The following FAT2 variants were observed in gnomAD, a reference collection of about 807,000 sequenced individuals.
The protein encoded by FAT2 is FAT atypical cadherin 2.
FAT2 carries 150 observed loss-of-function variants against 295.3 expected under a neutral mutation model. The ratio of observed to expected loss-of-function variants is 0.51; its 90% confidence interval spans 0.44 to 0.58. FAT2 has a LOEUF of 0.58. Among genes scored for constraint, FAT2 ranks in the 20% least tolerant of loss-of-function variants. The pLI is 0.00. For synonymous variants in FAT2, 2,026 were observed against 2,150.3 expected (o/e 0.94, Z 1.60); for missense variants, 4,868 against 5,442.7 (o/e 0.89, Z 3.32).
At chr5:151,542,168 C>T (rs1756216505) in intron 10 of FAT2, 117 bp downstream of exon 10, 6 of 973,846 alleles carry the variant, frequency 6.2e-6, no homozygotes, top group Non-Finnish European at 9.1e-6. Context: ...TTAAGTGTGC[C>T]CAAGGTCACA....
At chr5:151,537,971 G>A (rs1227368710) in intron 11 of FAT2, 25 bp from the exon 12 acceptor site, 4 of 1,608,620 alleles carry the variant, frequency 2.5e-6, no homozygotes, top group Non-Finnish European at 3.4e-6. Context: ...ACAAAGAAGA[G>A]GGAGACTGTG....
Position 151,521,524 on chromosome 5 carries a change from G to A in FAT2, c.11069C>T (p.Ser3690Phe). 1 of 1,614,232 alleles carries A rather than the reference G, an allele frequency of 6.2e-7. No individual in the cohort carries two copies. The highest frequency in any genetic ancestry group is 8.5e-7 in the Non-Finnish European group (1 of 1,180,032). Residue 3690 changes from serine (S) to phenylalanine (F), a missense_variant, in exon 19 of 24, where the codon TCT becomes TTT. Around this residue, in one of 5 missense-constraint regions of FAT2, gnomAD observed 1,046 missense variants for 1,210.1 expected, o/e 0.86. Coordinates refer to ENST00000261800, the MANE Select transcript of FAT2 (RefSeq NM_001447.3). Reference protein sequence around the residue: ...VDVLLVFEGHSGTFYEFQELA... With the variant: ...VDVLLVFEGHFGTFYEFQELA... ...CTCCTGAAACTCGTAGAAGGTTCCAGAATGCCCCTCAAAGACCAGGAGCAC... is the reference window on the plus strand; with the variant it reads ...CTCCTGAAACTCGTAGAAGGTTCCAAAATGCCCCTCAAAGACCAGGAGCAC...
intron 12 of FAT2, among the ~76,000 whole-genome samples, chr5:151,537,274 T>TGGA (rs1561841827): frequency 2.2e-5 from 3 of 134,334 alleles, no homozygotes; most frequent in South Asian, 2.4e-4. Flanking sequence ...ACGATGGTGG[T>TGGA]GGTGGAGGAG....
chr5:151,573,792 C>G (rs146108702), intron 1 of FAT2, among the ~76,000 whole-genome samples: 72 of 152,314 alleles, frequency 4.7e-4, no homozygotes, highest in African/African-American at 1.6e-3. Flanking sequence ...TGTTTCAGCT[C>G]TCTACTCCAG....
chr5:151,566,235 G>A lies in FAT2; in HGVS notation c.2697C>T (p.Pro899=), dbSNP rs2127645562. ...YILKVEARDQ[P]SKGHQLFSVT... The stretch of plus-strand genomic sequence containing the variant: ...CAGAGAAGAGCTGGTGGCCTTTGCT[G>A]GGCTGATCCCTGGCCTCCACCTTGA... The change falls in exon 2 of 24, where the codon CCC becomes CCT. Residue 899 remains proline (P), a synonymous_variant. Coordinates refer to ENST00000261800, the MANE Select transcript of FAT2 (RefSeq NM_001447.3). 6.2e-7 allele frequency: 1 copy of A among 1,614,132 alleles called. No homozygotes were observed. Among genetic ancestry groups the A allele is most frequent in the Non-Finnish European group, 8.5e-7 (1 of 1,180,010 alleles).
Position 151,550,628 on chromosome 5 carries a change from G to A in FAT2, c.4540C>T (p.Leu1514Phe), listed in dbSNP as rs556459301. ...GTGTGCTGGGAGGGCCCCGAGCCGA[G>A]GTCCAATTTTCCCACCGTTACCAGG... ...GVLVTVGKLDLGSGPSQHTLT... is the reference protein window; with the variant it reads ...GVLVTVGKLDFGSGPSQHTLT... The change falls in exon 8 of 24, where the codon CTC becomes TTC. Residue 1514 changes from leucine (L) to phenylalanine (F), a missense_variant. Coordinates refer to ENST00000261800, the MANE Select transcript of FAT2 (RefSeq NM_001447.3). 2.1e-5 allele frequency: 34 copies of A among 1,614,112 alleles called. No individual in the cohort carries two copies. In the South Asian group the frequency reaches 3.3e-4, roughly 16 times the overall value.
intron 1 of FAT2, among the ~76,000 whole-genome samples, chr5:151,571,921 C>T (rs1758544598): frequency 6.6e-6 from 1 of 152,210 alleles, no homozygotes; most frequent in Non-Finnish European, 1.5e-5. Context: ...CTCCTGGGCC[C>T]ATGCTACTTC....
At chr5:151,586,331 C>T (rs143976818) in intron 1 of FAT2, among the ~76,000 whole-genome samples, 1 of 152,358 alleles carries the variant, frequency 6.6e-6, no homozygotes, top group African/African-American at 2.4e-5. Flanking sequence ...CTGCCCCCAG[C>T]CAGCGGAAGG....
At chr5:151,529,109 G>A in intron 15 of FAT2, 69 bp downstream of exon 15, 2 of 1,310,732 alleles carry the variant, frequency 1.5e-6, no homozygotes, top group Non-Finnish European at 2.2e-6. Flanking sequence ...AGATGGCTGG[G>A]TGTGGGGGTG....
intron 18 of FAT2, among the ~76,000 whole-genome samples, chr5:151,523,048 G>A (rs1223837224): frequency 1.3e-5 from 2 of 152,282 alleles, no homozygotes; most frequent in African/African-American, 2.4e-5. Context: ...CCTCAGTGAT[G>A]TTATCACTTC....
chr5:151,546,104 C>G lies in FAT2; in HGVS notation c.5023G>C (p.Val1675Leu), dbSNP rs774737566. 5 of 1,614,112 alleles carry G rather than the reference C, an allele frequency of 3.1e-6. No homozygotes were observed. The South Asian group carries it at 5.5e-5, about 18-fold the overall frequency. The change falls in exon 10 of 24, where the codon GTT (valine) becomes CTT (leucine). Residue 1675 changes from valine to leucine, a missense_variant. Transcript: ENST00000261800. ...GAGACAAGGAGGATTGGGGAACCAA[C>G]AGGGATTGATTCAGGGATCTCTACA... ...YFVEIPESIP[V>L]GSPILLVSAM...
rs1346220113 is a variant in FAT2, at chr5:151,563,434, A to C, written c.3465T>G (p.Ser1155=). 5 of 1,614,122 alleles carry C rather than the reference A, an allele frequency of 3.1e-6. No individual in the cohort carries two copies. Among genetic ancestry groups the C allele is most frequent in the Admixed American group, 3.3e-5 (2 of 60,010 alleles). Residue 1155 remains serine, a synonymous_variant, in exon 3 of 24, where the codon TCT becomes TCG. Transcript: ENST00000261800. ...GGTCCCAGGCATCCAGTTGAAGCAC[A>C]GAGGTGCCCACGGGAGCATCCTCCT... The part of the protein sequence containing the change: ...SIQEDAPVGT[S]VLQLDAWDPD...
Position 151,543,671 on chromosome 5 carries a change from A to G in FAT2, c.7456T>C (p.Tyr2486His). 6.2e-7 allele frequency: 1 copy of G among 1,614,140 alleles called. No individual in the cohort carries two copies. The highest frequency in any genetic ancestry group is 8.5e-7 in the Non-Finnish European group (1 of 1,180,012). Residue 2486 changes from tyrosine (Y) to histidine (H), a missense_variant, in exon 10 of 24, where the codon TAT (tyrosine) becomes CAT (histidine). Tyr to His is a moderately conservative substitution (Grantham distance 83). Coordinates refer to ENST00000261800, the MANE Select transcript of FAT2 (RefSeq NM_001447.3). ...KYSPEFQQHL[Y>H]EAELAENAMV... Reference sequence around the variant, plus strand: ...GCATTCTCTGCTAATTCTGCCTCATAAAGGTGCTGCTGGAACTCTGGGCTG... The same window carrying G: ...GCATTCTCTGCTAATTCTGCCTCATGAAGGTGCTGCTGGAACTCTGGGCTG...
At chr5:151,565,619 C>A in intron 2 of FAT2, 54 bp downstream of exon 2, 1 of 1,494,554 alleles carries the variant, frequency 6.7e-7, no homozygotes. Context: ...CTTCTTTTTC[C>A]TTCAGCCCAT....
At position 151,529,328 on chromosome 5, in the gene FAT2, C is replaced by T; in HGVS notation, c.9876G>A (p.Glu3292=). 6.2e-7 allele frequency: 1 copy of T among 1,614,150 alleles called. No individual in the cohort carries two copies. Among genetic ancestry groups the T allele is most frequent in the South Asian group, 1.1e-5 (1 of 91,080 alleles). The change falls in exon 15 of 24, where the codon GAG becomes GAA. Residue 3292 remains glutamate (E), a synonymous_variant. Coordinates refer to ENST00000261800, the MANE Select transcript of FAT2 (RefSeq NM_001447.3). ...GGGAAGAGGAGCTCTTCCGGCTGCACTCAATGGACAGGAAGTACTTGGGGC... is the reference window on the plus strand; with the variant it reads ...GGGAAGAGGAGCTCTTCCGGCTGCATTCAATGGACAGGAAGTACTTGGGGC... The part of the protein sequence containing the change: ...ETSPKYFLSI[E]CSRKSSSSLS...
At chr5:151,588,116 GGTGTGTGTGTAT>G (rs1423048660) in intron 1 of FAT2, among the ~76,000 whole-genome samples, 1 of 152,052 alleles carries the variant, frequency 6.6e-6, no homozygotes, top group African/African-American at 2.4e-5. Context: ...GTGATGGAGT[GGTGTGTGTGTAT>G]GTGTGTGTGG....
chr5:151,551,421 C>T (rs1757199570), intron 7 of FAT2, 46 bp downstream of exon 7: 1 of 1,597,432 alleles, frequency 6.3e-7, no homozygotes, highest in Non-Finnish European at 8.5e-7. Context: ...CCAAGAAGGC[C>T]TTCCATCTCC....
At chr5:151,569,997 A>G (rs188214983) in intron 1 of FAT2, among the ~76,000 whole-genome samples, 11 of 152,400 alleles carry the variant, frequency 7.2e-5, no homozygotes, top group African/African-American at 2.6e-4. Flanking sequence ...GAATAAGGAT[A>G]AGAAAATCAT....
At chr5:151,529,627 G>A (rs1754377460) in intron 14 of FAT2, among the ~76,000 whole-genome samples, 1 of 151,914 alleles carries the variant, frequency 6.6e-6, no homozygotes, top group East Asian at 1.9e-4. Flanking sequence ...ACTTACTTCT[G>A]TAATATTTGA....
Sources: allele counts gnomAD v4.1 joint callset (sites outside exome capture counted in the v4.1 genomes callset), GRCh38; gene constraint gnomAD v4.1.1; regional missense constraint gnomAD v4.1.1; transcripts MANE v1.5; gene names NCBI Gene and HGNC (gene_info 2026-07-23, HGNC 2026-07-21).